GTF2E1: variants seen among roughly 807,000 people sequenced by gnomAD.
The protein encoded by GTF2E1 is general transcription factor IIE subunit 1, also known as TFIIE alpha subunit.
In GTF2E1, 14 loss-of-function variants were observed where a neutral mutation model predicts 34.9. The observed-to-expected ratio is 0.40, with a 90% CI of 0.27 to 0.63. The LOEUF (loss-of-function observed/expected upper bound fraction) is 0.63, where lower values mean the gene tolerates loss of function less well. Among genes scored for constraint, GTF2E1 ranks in the 20% least tolerant of loss-of-function variants. The probability of loss-of-function intolerance (pLI) is 0.39; values close to 1 mark genes in which losing one functional copy is unlikely to be tolerated. For synonymous variants in GTF2E1, 188 were observed against 192.9 expected (o/e 0.97, Z 0.21); for missense variants, 469 against 557.7 (o/e 0.84, Z 1.60).
At position 120,776,516 on chromosome 3, in the gene GTF2E1, CTTATACACT is replaced by C; in HGVS notation, c.745_753del (p.Leu249_Thr251del). On this transcript the variant is annotated inframe_deletion, in exon 4 of 5. Coordinates refer to ENST00000283875, the MANE Select transcript of GTF2E1 (RefSeq NM_005513.3). ...CCACCAAAGGTCCTTCCTATGAAGA[CTTATACACT>C]CAGAATGTTGTCATTAACATGGATG... 1 of 1,613,950 alleles carries C rather than the reference CTTATACACT, an allele frequency of 6.2e-7. No homozygotes were observed. Among genetic ancestry groups the C allele is most frequent in the Non-Finnish European group, 8.5e-7 (1 of 1,179,892 alleles).
intron 2 of GTF2E1, among the ~76,000 whole-genome samples, chr3:120,751,807 A>C (rs77588818): frequency 0.022 from 3,416 of 152,270 alleles, 52 homozygotes; most frequent in Middle Eastern, 0.051. Flanking sequence ...AGAAGGACTC[A>C]GTGCTATTAA....
intron 1 of GTF2E1, chr3:120,749,898 A>C (rs181292883): frequency 1.3e-5 from 2 of 152,090 alleles, no homozygotes; most frequent in Non-Finnish European, 2.9e-5. Flanking sequence ...CTCATTTTCT[A>C]CCTTTTTAAG....
At chr3:120,774,464 T>G (rs1447263338) in intron 3 of GTF2E1, among the ~76,000 whole-genome samples, 1 of 152,024 alleles carries the variant, frequency 6.6e-6, no homozygotes, top group Non-Finnish European at 1.5e-5. Context: ...CCACATAGCC[T>G]TTAAAAGACC....
intron 2 of GTF2E1, among the ~76,000 whole-genome samples, chr3:120,757,212 T>C (rs749227337): frequency 2.0e-5 from 3 of 152,192 alleles, no homozygotes; most frequent in Non-Finnish European, 2.9e-5. Flanking sequence ...TCTGCCCTTC[T>C]TCCCCCACAT....
intron 3 of GTF2E1, among the ~76,000 whole-genome samples, chr3:120,773,508 C>T (rs1046153112): frequency 6.6e-6 from 1 of 152,090 alleles, no homozygotes; most frequent in Admixed American, 6.6e-5. Context: ...GTCAGTAGGC[C>T]TAACCCAAGA....
At chr3:120,771,442 C>T (rs1409068760) in intron 3 of GTF2E1, among the ~76,000 whole-genome samples, 1 of 152,064 alleles carries the variant, frequency 6.6e-6, no homozygotes, top group Non-Finnish European at 1.5e-5. Flanking sequence ...TATCAGTGTT[C>T]CCTAATGTTT....
At position 120,760,355 on chromosome 3, in the gene GTF2E1, A is replaced by G. The variant is rs568742381; in HGVS notation, c.448+9355A>G. ...TGAAACGATGGAGTTTTCTAAATAT[A>G]CAATCATGTCATCTACAAACAGAGA... On this transcript the variant is annotated intron_variant, in intron 2 of 4. Coordinates refer to ENST00000283875, the MANE Select transcript of GTF2E1 (RefSeq NM_005513.3). Among the ~76,000 whole-genome samples the G allele has an allele frequency of 5.3e-5, 8 of 152,320 alleles. No homozygotes were observed. In the East Asian group the frequency reaches 1.5e-3, roughly 29 times the overall value.
chr3:120,770,725 T>G lies in GTF2E1; in HGVS notation c.449-3T>G. 2 of 1,611,238 alleles carry G rather than the reference T, an allele frequency of 1.2e-6. No homozygotes were observed. The highest frequency in any genetic ancestry group is 1.7e-6 in the Non-Finnish European group (2 of 1,177,568). ...TGACCTGAGATACTTGTTTTCTCTG[T>G]AGGAACTTTCCGCTGTACTTTTTGC... is the stretch of plus-strand genomic sequence containing the variant. On this transcript the variant is annotated splice_region_variant and splice_polypyrimidine_tract_variant and intron_variant, in intron 2 of 4. Transcript: ENST00000283875.
chr3:120,774,383 T>C (rs1709381107), intron 3 of GTF2E1, among the ~76,000 whole-genome samples: 1 of 152,018 alleles, frequency 6.6e-6, no homozygotes, highest in African/African-American at 2.4e-5. Context: ...GTAAAGTGAA[T>C]GCTGAAGAAG....
intron 2 of GTF2E1, among the ~76,000 whole-genome samples, chr3:120,768,972 C>CTCAA (rs1411350837): frequency 1.1e-4 from 16 of 152,092 alleles, no homozygotes; most frequent in African/African-American, 3.9e-4. Flanking sequence ...CTCAAGGATT[C>CTCAA]CTCATTCCTT....
In GTF2E1 at chr3:120,781,938, TCTC is replaced by T. The variant is rs1375904491; in HGVS notation, c.*471_*473del. The T allele has an allele frequency of 6.5e-6, 1 of 154,538 alleles. No homozygotes were observed. Among genetic ancestry groups the T allele is most frequent in the Non-Finnish European group, 1.4e-5 (1 of 69,474 alleles). The allele number at this position is 154,538 out of a possible 1,614,324, so 9.6% of individuals were successfully genotyped here. A position where few individuals can be genotyped will look rare whatever the true frequency, so the allele number is the denominator to read the frequency against. ...ACCATGTTAGCCAGGATGATCTCGATCTCCTGACCTCATGATCCACCCGCCTCG... is the reference window on the plus strand; with the variant it reads ...ACCATGTTAGCCAGGATGATCTCGATCTGACCTCATGATCCACCCGCCTCG... On this transcript the variant is annotated 3_prime_UTR_variant, in exon 5 of 5. Transcript: ENST00000283875.
chr3:120,782,309 G>A lies in GTF2E1; in HGVS notation c.*839G>A, dbSNP rs1054343069. The A allele has an allele frequency of 6.6e-6, 1 of 152,194 alleles. No individual in the cohort carries two copies. The highest frequency in any genetic ancestry group is 1.5e-5 in the Non-Finnish European group (1 of 68,044). 9.4% of individuals were successfully genotyped at this position (152,194 alleles called of 1,614,324 possible). ...GAGGTGGGAGCGTGTGTGGAAGGGG[G>A]AGAGATATACTTGAGTCTTATGATT... is the stretch of plus-strand genomic sequence containing the variant. On this transcript the variant is annotated 3_prime_UTR_variant, in exon 5 of 5. Coordinates refer to ENST00000283875, the MANE Select transcript of GTF2E1 (RefSeq NM_005513.3).
intron 1 of GTF2E1, among the ~76,000 whole-genome samples, chr3:120,748,254 A>T (rs1316406227): frequency 1.3e-5 from 2 of 151,152 alleles, no homozygotes; most frequent in East Asian, 3.9e-4. Flanking sequence ...CTTTAGTTTA[A>T]TTAGATCCCA....
chr3:120,743,204 AGTT>A (rs1313863008), intron 1 of GTF2E1, among the ~76,000 whole-genome samples: 4 of 152,236 alleles, frequency 2.6e-5, no homozygotes, highest in African/African-American at 4.8e-5. Context: ...TAGAATCCCA[AGTT>A]GTTCTAGAAC....
At chr3:120,770,281 G>A (rs1463342933) in intron 2 of GTF2E1, among the ~76,000 whole-genome samples, 4 of 152,168 alleles carry the variant, frequency 2.6e-5, no homozygotes, top group East Asian at 1.9e-4. Context: ...TTAAAAAATA[G>A]CCTGTGACAA....
chr3:120,768,125 GATAA>G (rs527388149), intron 2 of GTF2E1, among the ~76,000 whole-genome samples: 224 of 152,220 alleles, frequency 1.5e-3, no homozygotes, highest in African/African-American at 4.9e-3. Flanking sequence ...TGATAAATTA[GATAA>G]ATAATAAAAC....
intron 2 of GTF2E1, among the ~76,000 whole-genome samples, chr3:120,764,804 G>A (rs1709293430): frequency 1.3e-5 from 2 of 151,794 alleles, no homozygotes; most frequent in South Asian, 4.2e-4. Context: ...GGTTTTATTT[G>A]TATTTATTTA....
chr3:120,776,784 A>G (rs1358031829), intron 4 of GTF2E1, 120 bp downstream of exon 4: 4 of 802,380 alleles, frequency 5.0e-6, no homozygotes, highest in Middle Eastern at 3.3e-4. Flanking sequence ...ATTGCATTAT[A>G]TTAGGAAGTA....
intron 1 of GTF2E1, 102 bp from the exon 2 acceptor site, chr3:120,750,420 AT>A (rs1218428600): frequency 2.9e-6 from 2 of 688,102 alleles, no homozygotes; most frequent in Non-Finnish European, 5.1e-6. Flanking sequence ...GGTATTAGAA[AT>A]CTTTTTAAAC....
Sources: gnomAD v4.1 joint callset for allele counts (sites outside exome capture counted in the v4.1 genomes callset) on GRCh38, gnomAD v4.1.1 for gene constraint, MANE v1.5 for transcripts, NCBI Gene and HGNC (gene_info 2026-07-23, HGNC 2026-07-21) for gene names.